The following POFUT2 variants were observed in gnomAD, a reference collection of about 807,000 sequenced individuals.
The protein encoded by POFUT2 is GDP-fucose protein O-fucosyltransferase 2.
Under a neutral mutation model 55.0 loss-of-function variants are expected in POFUT2, and 30 were observed. The ratio of observed to expected loss-of-function variants is 0.55; its 90% CI spans 0.41 to 0.74. POFUT2 has a LOEUF of 0.74. Among genes scored for constraint, POFUT2 ranks in the 30% least tolerant of loss-of-function variants. POFUT2 has a pLI of 0.00. For synonymous variants in POFUT2, 267 were observed against 231.1 expected (o/e 1.16, Z -1.41); for missense variants, 524 against 562.6 (o/e 0.93, Z 0.69).
rs1007604799 is a variant in POFUT2 at position 45,265,784 on chromosome 21, G to A, written c.1137-149C>T. 2.2e-5 allele frequency: 32 copies of A among 1,430,924 alleles called. No individual in the cohort carries two copies. The highest frequency in any genetic ancestry group is 2.6e-5 in the Non-Finnish European group (29 of 1,096,578). The allele number at this position is 1,430,924 out of a possible 1,614,324, so 88.6% of individuals were successfully genotyped here. ...GCCGTCCCCCGAGCACCCACCAGCC[G>A]GCCGCCCCCTTGCTGGCACCCCTCG... On this transcript the variant is annotated intron_variant, in intron 8 of 8. Coordinates refer to ENST00000349485, the MANE Select transcript of POFUT2 (RefSeq NM_133635.6). The surrounding 1 kb of genome is among the most constrained non-coding windows in gnomAD (Gnocchi z 4.6).
intron 8 of POFUT2, chr21:45,266,942 G>A (rs2093160694): frequency 2.9e-6 from 3 of 1,019,002 alleles, no homozygotes; most frequent in Non-Finnish European, 2.4e-6. Flanking sequence ...GTCTTTGGAG[G>A]AACAGAGGCC....
chr21:45,282,975 A>T lies in POFUT2; in HGVS notation c.527+408T>A. The T allele has an allele frequency of 2.1e-6, 1 of 469,394 alleles. No homozygotes were observed. Among genetic ancestry groups the T allele is most frequent in the Non-Finnish European group, 4.4e-6 (1 of 226,262 alleles). The allele number at this position is 469,394 out of a possible 1,614,324, so 29.1% of individuals were successfully genotyped here. Reference sequence around the variant, plus strand: ...TCCAAATGCATGAAAAGACACAGGGAAAGAGGCACGGGGTCTCAGCCAGAT... The same window carrying T: ...TCCAAATGCATGAAAAGACACAGGGTAAGAGGCACGGGGTCTCAGCCAGAT... On this transcript the variant is annotated intron_variant, in intron 3 of 8. Coordinates refer to ENST00000349485, the MANE Select transcript of POFUT2 (RefSeq NM_133635.6). This position sits in a 1 kb window ranked among gnomAD's most constrained non-coding sequence, Gnocchi z 4.6.
At position 45,285,554 on chromosome 21, in the gene POFUT2, T is replaced by C. The variant is rs753615780; in HGVS notation, c.382+124A>G. 5.5e-5 allele frequency: 65 copies of C among 1,174,808 alleles called. 4 individuals are homozygous for C. The South Asian group carries it at 8.2e-4, about 15-fold the overall frequency. The allele number at this position is 1,174,808 out of a possible 1,614,324, so 72.8% of individuals were successfully genotyped here. A position where few individuals can be genotyped will look rare whatever the true frequency, so the allele number is the denominator to read the frequency against. On this transcript the variant is annotated intron_variant, in intron 2 of 8. Transcript: ENST00000349485. The surrounding 1 kb of genome is among the most constrained non-coding windows in gnomAD (Gnocchi z 4.9). Reference sequence around the variant, plus strand: ...TGCCACAGGCCTCAGGCAGCAGCACTGGGCACTGGAGGATGCTGGTGAGGC... The same window carrying C: ...TGCCACAGGCCTCAGGCAGCAGCACCGGGCACTGGAGGATGCTGGTGAGGC...
In POFUT2 at chr21:45,265,554, C is replaced by T. The variant is rs756097099; in HGVS notation, c.1218G>A (p.Thr406=). 5.0e-6 allele frequency: 8 copies of T among 1,614,106 alleles called. No individual in the cohort carries two copies. The highest frequency in any genetic ancestry group is 2.2e-5 in the East Asian group (1 of 44,890). The change falls in exon 9 of 9, where the codon ACG becomes ACA. Residue 406 remains threonine, a synonymous_variant. Transcript: ENST00000349485. The surrounding 1 kb of genome is among the most constrained non-coding windows in gnomAD (Gnocchi z 4.6). ...EREILGLDPK[T]TYNRFCGDQE... ...GGTCTCCGCAGAACCTGTTGTACGT[C>T]GTCTTGGGGTCCAACCCCAGGATTT...
rs1385849614 is a variant in POFUT2, at chr21:45,267,782, C to T, written c.1013-69G>A. 7.2e-7 allele frequency: 1 copy of T among 1,397,870 alleles called. No homozygotes were observed. Among genetic ancestry groups the T allele is most frequent in the African/African-American group, 1.4e-5 (1 of 70,194 alleles). The allele number at this position is 1,397,870 out of a possible 1,614,324, so 86.6% of individuals were successfully genotyped here. On this transcript the variant is annotated intron_variant, in intron 7 of 8. Coordinates refer to ENST00000349485, the MANE Select transcript of POFUT2 (RefSeq NM_133635.6). This position sits in a 1 kb window ranked among gnomAD's most constrained non-coding sequence, Gnocchi z 4.4. ...TAAGGACAGATACGTGACTCTTTAG[C>T]AGACAGACATGCGTACTTGGCTTCT...
Position 45,282,950 on chromosome 21 carries a change from T to A in POFUT2, c.527+433A>T, listed in dbSNP as rs1569232434. 2.1e-6 allele frequency: 1 copy of A among 472,172 alleles called. No individual in the cohort carries two copies. The highest frequency in any genetic ancestry group is 4.4e-6 in the Non-Finnish European group (1 of 228,130). 29.2% of individuals were successfully genotyped at this position (472,172 alleles called of 1,614,324 possible). A position where few individuals can be genotyped will look rare whatever the true frequency, so the allele number is the denominator to read the frequency against. ...CAAGACCTCCATCCCTGTGGCAACA[T>A]CCAAATGCATGAAAAGACACAGGGA... On this transcript the variant is annotated intron_variant, in intron 3 of 8. Transcript: ENST00000349485. This position sits in a 1 kb window ranked among gnomAD's most constrained non-coding sequence, Gnocchi z 4.6.
At chr21:45,287,676 C>CCAACCCAACACAGA in intron 1 of POFUT2, 65 bp downstream of exon 1, 1 of 1,181,536 alleles carries the variant, frequency 8.5e-7, no homozygotes, top group Non-Finnish European at 1.1e-6. Context: ...GCCCCGCCCC[C>CCAACCCAACACAGA]ATCCCATCCT....
chr21:45,267,622 C>G lies in POFUT2; in HGVS notation c.1104G>C (p.Ala368=). 1.2e-6 allele frequency: 2 copies of G among 1,614,218 alleles called. No individual in the cohort carries two copies. The change falls in exon 8 of 9, where the codon GCG becomes GCC. Residue 368 remains alanine (A), a synonymous_variant. Coordinates refer to ENST00000349485, the MANE Select transcript of POFUT2 (RefSeq NM_133635.6). This position sits in a 1 kb window ranked among gnomAD's most constrained non-coding sequence, Gnocchi z 4.4. ...ELELYKDGGV[A]IIDQWICAHA... ...GTGCGCAGATCCACTGGTCAATAAT[C>G]GCAACGCCTCCGTCCTTGTAGAGCT...
chr21:45,283,280 G>T, intron 3 of POFUT2, 103 bp downstream of exon 3: 1 of 507,200 alleles, frequency 2.0e-6, no homozygotes, highest in Non-Finnish European at 3.4e-6. Flanking sequence ...CACGGTGGTG[G>T]GGAGGAGTGG....
chr21:45,267,976 C>G lies in POFUT2; in HGVS notation c.1013-263G>C, dbSNP rs903192609. 1.4e-4 allele frequency among the ~76,000 whole-genome samples: 22 copies of G among 152,044 alleles called. No individual in the cohort carries two copies. Among genetic ancestry groups the G allele is most frequent in the Non-Finnish European group, 2.6e-4 (18 of 67,978 alleles). The stretch of plus-strand genomic sequence containing the variant: ...GAAAGGAAAGAAACGTGCTCCCTCT[C>G]CCTCTCCTTCTCCCTCTCCCTCTCC... On this transcript the variant is annotated intron_variant, in intron 7 of 8. Coordinates refer to ENST00000349485, the MANE Select transcript of POFUT2 (RefSeq NM_133635.6). This position sits in a 1 kb window ranked among gnomAD's most constrained non-coding sequence, Gnocchi z 4.4.
At chr21:45,287,670 C>CCCCCCCCAACCCAACAAAGAACCA in intron 1 of POFUT2, 71 bp downstream of exon 1, 1 of 962,794 alleles carries the variant, frequency 1.0e-6, no homozygotes, top group Non-Finnish European at 1.4e-6. Context: ...GACCCCGCCC[C>CCCCCCCCAACCCAACAAAGAACCA]GCCCCCATCC....
chr21:45,283,109 C>T (rs1023059968), intron 3 of POFUT2, among the ~76,000 whole-genome samples: 2 of 151,550 alleles, frequency 1.3e-5, no homozygotes, highest in African/African-American at 4.9e-5. Flanking sequence ...GCCGCCGCAA[C>T]ACTGTCAGGA....
chr21:45,275,307 C>T (rs547959864), intron 6 of POFUT2, among the ~76,000 whole-genome samples: 16 of 152,244 alleles, frequency 1.1e-4, no homozygotes, highest in South Asian at 4.2e-4. Flanking sequence ...AGGGATACTG[C>T]GACACTCCTG....
chr21:45,280,222 A>T (rs2030438194), intron 4 of POFUT2, among the ~76,000 whole-genome samples: 1 of 152,100 alleles, frequency 6.6e-6, no homozygotes, highest in Non-Finnish European at 1.5e-5. Flanking sequence ...GCATCCTCCC[A>T]TCTCTCCCTC....
intron 3 of POFUT2, chr21:45,283,073 C>T (rs2146666665): frequency 2.6e-6 from 1 of 385,316 alleles, no homozygotes; most frequent in Non-Finnish European, 5.2e-6. Context: ...ACGGTGTGGG[C>T]AGCCACAAGC....
intron 4 of POFUT2, among the ~76,000 whole-genome samples, chr21:45,279,818 G>A (rs2030372581): frequency 6.6e-6 from 1 of 152,238 alleles, no homozygotes; most frequent in East Asian, 1.9e-4. Flanking sequence ...TGATGTCCAT[G>A]TGTCGTAATA....
Position 45,267,356 on chromosome 21 carries a change from C to T in POFUT2, c.1136+234G>A, listed in dbSNP as rs2093165429. The T allele has an allele frequency of 2.8e-5, 44 of 1,551,518 alleles. No homozygotes were observed. The highest frequency in any genetic ancestry group is 3.8e-5 in the Non-Finnish European group (44 of 1,150,516). ...AGACGAGGCCAGCTATGCCAACAGC[C>T]TGCTATGGAGGAATTCTGTGCATGA... On this transcript the variant is annotated intron_variant, in intron 8 of 8. Transcript: ENST00000349485. This position sits in a 1 kb window ranked among gnomAD's most constrained non-coding sequence, Gnocchi z 4.4.
chr21:45,274,619 A>G (rs1329027043), intron 6 of POFUT2, among the ~76,000 whole-genome samples: 1 of 152,246 alleles, frequency 6.6e-6, no homozygotes, highest in East Asian at 1.9e-4. Context: ...ATAGGTACCT[A>G]GACCAGTGGA....
chr21:45,278,225 C>G (rs2030049512), intron 4 of POFUT2, 56 bp from the exon 5 acceptor site: 6 of 1,440,578 alleles, frequency 4.2e-6, no homozygotes, highest in Non-Finnish European at 4.9e-6. Flanking sequence ...TGATGACATT[C>G]ACACTCTCAG....
Sources: gnomAD v4.1 joint callset for allele counts (sites outside exome capture counted in the v4.1 genomes callset) on GRCh38, gnomAD v4.1.1 for gene constraint, Gnocchi (gnomAD v3.1) non-coding constraint, MANE v1.5 for transcripts, NCBI Gene and HGNC (gene_info 2026-07-23, HGNC 2026-07-21) for gene names.